Variants in DUSP14 observed in about 807,000 individuals in gnomAD.
DUSP14 encodes the protein dual specificity phosphatase 14, also known as dual specificity protein phosphatase 14.
DUSP14 carries 5 observed loss-of-function variants against 13.2 expected under a neutral mutation model. The observed-to-expected ratio is 0.38, with a 90% CI of 0.20 to 0.80. DUSP14 has a LOEUF of 0.80. Among genes scored for constraint, DUSP14 ranks in the 30% least tolerant of loss-of-function variants. The pLI is 0.44. For missense variants in DUSP14, 185 were observed against 264.0 expected, an observed-to-expected ratio of 0.70 and a Z score of 2.07; for synonymous variants, 91 against 103.4, an observed-to-expected ratio of 0.88 and a Z score of 0.73.
chr17:37,493,871 T>C (rs2054045599), intron 1 of DUSP14, among the ~76,000 whole-genome samples: 2 of 152,138 alleles, frequency 1.3e-5, no homozygotes, highest in Non-Finnish European at 2.9e-5. Flanking sequence ...CCTATCCTTG[T>C]TAAAGTACCC....
chr17:37,492,719 G>A (rs771498783), intron 1 of DUSP14, among the ~76,000 whole-genome samples: 3 of 152,138 alleles, frequency 2.0e-5, no homozygotes, highest in Non-Finnish European at 4.4e-5. Flanking sequence ...GTAAAAAAGT[G>A]TCTAAAACAA....
At chr17:37,507,325 G>A (rs1167129308) in intron 1 of DUSP14, among the ~76,000 whole-genome samples, 1 of 152,158 alleles carries the variant, frequency 6.6e-6, no homozygotes, top group Non-Finnish European at 1.5e-5. Context: ...ATTCTGCCCC[G>A]AGGGCTCACA....
intron 2 of DUSP14, among the ~76,000 whole-genome samples, chr17:37,511,244 T>C (rs1008731561): frequency 6.6e-6 from 1 of 152,140 alleles, no homozygotes; most frequent in Non-Finnish European, 1.5e-5. Context: ...AATGCTACTG[T>C]GTTTACATTG....
chr17:37,500,160 T>C (rs1469363856), intron 1 of DUSP14, among the ~76,000 whole-genome samples: 3 of 152,254 alleles, frequency 2.0e-5, no homozygotes, highest in Admixed American at 2.0e-4. Flanking sequence ...TATAGGTGCC[T>C]TTGATTTGTA....
At chr17:37,508,734 AATAT>A (rs35158443) in intron 1 of DUSP14, among the ~76,000 whole-genome samples, 1 of 144,142 alleles carries the variant, frequency 6.9e-6, no homozygotes, top group Admixed American at 7.1e-5. Flanking sequence ...ACTCCATCTC[AATAT>A]ATATATATAT....
chr17:37,499,730 A>T, intron 1 of DUSP14, among the ~76,000 whole-genome samples: 1 of 151,702 alleles, frequency 6.6e-6, no homozygotes, highest in South Asian at 2.1e-4. Flanking sequence ...GGGTTTCACC[A>T]TGTTGGCCGG....
chr17:37,493,575 T>C (rs566495682), intron 1 of DUSP14, among the ~76,000 whole-genome samples: 2 of 152,348 alleles, frequency 1.3e-5, no homozygotes, highest in East Asian at 3.9e-4. Context: ...AGCGTATTTT[T>C]ATTTAGTTAT....
At chr17:37,510,358 C>T (rs974695775) in intron 1 of DUSP14, 16 of 152,240 alleles carry the variant, frequency 1.1e-4, no homozygotes, top group East Asian at 5.8e-4. Flanking sequence ...CATAGCCCAC[C>T]GAGGAGGCAG....
intron 1 of DUSP14, among the ~76,000 whole-genome samples, chr17:37,508,946 G>C (rs2054155644): frequency 6.8e-6 from 1 of 147,500 alleles, no homozygotes; most frequent in Non-Finnish European, 1.5e-5. Context: ...CTTTAAACTA[G>C]AGACAACCCA....
intron 1 of DUSP14, among the ~76,000 whole-genome samples, chr17:37,509,128 TACACACACACACACACACACAC>T (rs869304104): frequency 3.2e-5 from 1 of 31,188 alleles, no homozygotes; most frequent in South Asian, 1.2e-3. Flanking sequence ...TATATATATA[TACACACACACACACACACACAC>T]ACACACACAC....
intron 1 of DUSP14, among the ~76,000 whole-genome samples, chr17:37,494,556 C>G (rs554103165): frequency 6.6e-6 from 1 of 151,966 alleles, no homozygotes; most frequent in South Asian, 2.1e-4. Context: ...TTTGATTGCC[C>G]GTGTTTAGTT....
intron 1 of DUSP14, among the ~76,000 whole-genome samples, chr17:37,494,594 T>TGA (rs1234867385): frequency 1.3e-5 from 2 of 151,922 alleles, no homozygotes; most frequent in Non-Finnish European, 2.9e-5. Flanking sequence ...AGTGTGTGTG[T>TGA]GAGAGAGAGT....
Position 37,512,757 on chromosome 17 carries a change from A to G in DUSP14, c.485A>G (p.Glu162Gly). ...TTCTGGAGGCAACTGATAGACTACG[A>G]GCGCCAGCTCTTTGGGAAGTCGACA... ...VGFWRQLIDY[E>G]RQLFGKSTVK... Residue 162 changes from glutamate to glycine, a missense_variant, in exon 3 of 3, where the codon GAG becomes GGG. Coordinates refer to ENST00000617516, the MANE Select transcript of DUSP14 (RefSeq NM_007026.4). This position sits in a 1 kb window ranked among gnomAD's most constrained non-coding sequence, Gnocchi z 4.8. 6.2e-7 allele frequency: 1 copy of G among 1,613,902 alleles called. No individual in the cohort carries two copies. The highest frequency in any genetic ancestry group is 8.5e-7 in the Non-Finnish European group (1 of 1,180,038).
intron 1 of DUSP14, among the ~76,000 whole-genome samples, chr17:37,506,875 C>G (rs550585419): frequency 4.6e-5 from 7 of 152,266 alleles, no homozygotes; most frequent in African/African-American, 1.7e-4. Context: ...AGCAGCTCGG[C>G]CCATCTGGGC....
intron 1 of DUSP14, among the ~76,000 whole-genome samples, chr17:37,501,487 A>G (rs2143084198): frequency 1.3e-5 from 2 of 152,124 alleles, no homozygotes; most frequent in Middle Eastern, 3.4e-3. Context: ...CTCCATTCCA[A>G]TGGAGAATAG....
chr17:37,512,579 A>C lies in DUSP14; in HGVS notation c.307A>C (p.Lys103Gln). Residue 103 changes from lysine to glutamine, a missense_variant, in exon 3 of 3, where the codon AAG (lysine) becomes CAG (glutamine). Coordinates refer to ENST00000617516, the MANE Select transcript of DUSP14 (RefSeq NM_007026.4). This position sits in a 1 kb window ranked among gnomAD's most constrained non-coding sequence, Gnocchi z 4.8. ...TGACAAGATCCACAGTGTGAGCAGG[A>C]AGCACGGGGCCACCTTGGTGCACTG... ...VADKIHSVSR[K>Q]HGATLVHCAA... The C allele has an allele frequency of 6.2e-7, 1 of 1,614,172 alleles. No individual in the cohort carries two copies. The highest frequency in any genetic ancestry group is 8.5e-7 in the Non-Finnish European group (1 of 1,180,018).
At chr17:37,495,684 G>A (rs895695991) in intron 1 of DUSP14, among the ~76,000 whole-genome samples, 13 of 127,350 alleles carry the variant, frequency 1.0e-4, no homozygotes, top group African/African-American at 3.2e-4. Flanking sequence ...TTTTTGAGAC[G>A]GAGTCTTGCT....
intron 1 of DUSP14, among the ~76,000 whole-genome samples, chr17:37,504,102 G>T (rs1343364918): frequency 6.6e-6 from 1 of 152,204 alleles, no homozygotes; most frequent in African/African-American, 2.4e-5. Flanking sequence ...GCTGAGGCAG[G>T]AGAATCACTT....
At chr17:37,492,027 A>G (rs2054031793) in intron 1 of DUSP14, among the ~76,000 whole-genome samples, 1 of 152,244 alleles carries the variant, frequency 6.6e-6, no homozygotes, top group Non-Finnish European at 1.5e-5. Flanking sequence ...TAATTATTTT[A>G]AAGTTGACTT....
Sources: allele counts gnomAD v4.1 joint callset (sites outside exome capture counted in the v4.1 genomes callset), GRCh38; gene constraint gnomAD v4.1.1; non-coding constraint Gnocchi (gnomAD v3.1); transcripts MANE v1.5; gene names NCBI Gene and HGNC (gene_info 2026-07-23, HGNC 2026-07-21).